Variants in KLHDC10 observed in about 807,000 individuals in gnomAD.
The protein encoded by KLHDC10 is kelch domain-containing protein 10.
A neutral mutation model predicts 56.1 loss-of-function variants in KLHDC10; 24 were observed. That is an observed-to-expected ratio of 0.43 (90% CI 0.31 to 0.60). KLHDC10 has a LOEUF of 0.60. Among genes scored for constraint, KLHDC10 ranks in the 20% least tolerant of loss-of-function variants. KLHDC10 has a pLI of 0.11. For missense variants in KLHDC10, 349 were observed against 567.0 expected (o/e 0.62, Z 3.91); for synonymous variants, 188 against 207.1 (o/e 0.91, Z 0.79).
intron 7 of KLHDC10, among the ~76,000 whole-genome samples, chr7:130,126,418 A>G (rs1314905351): frequency 6.6e-6 from 1 of 151,916 alleles, no homozygotes; most frequent in Admixed American, 6.6e-5. Flanking sequence ...GCTCATGCCT[A>G]TAATCCCAGC....
chr7:130,098,360 G>A (rs1279009859), intron 2 of KLHDC10, among the ~76,000 whole-genome samples: 2 of 152,088 alleles, frequency 1.3e-5, no homozygotes, highest in African/African-American at 4.8e-5. Context: ...GGGCATGGTG[G>A]TACACACTTA....
chr7:130,078,979 G>T (rs1245887004), intron 1 of KLHDC10, among the ~76,000 whole-genome samples: 1 of 152,272 alleles, frequency 6.6e-6, no homozygotes, highest in East Asian at 1.9e-4. Context: ...TCTGGCTTTA[G>T]ATTGAAGCGT....
intron 5 of KLHDC10, among the ~76,000 whole-genome samples, chr7:130,123,007 AGATGGATGTATG>A (rs1563106277): frequency 2.1e-5 from 3 of 142,952 alleles, no homozygotes; most frequent in Non-Finnish European, 4.6e-5. Context: ...GATGAATGAT[AGATGGATGTATG>A]GATGGATGGA....
Position 130,079,945 on chromosome 7 carries a change from C to T in KLHDC10, c.166+9136C>T, listed in dbSNP as rs193286010. ...CCCTTTCTCGCTTCCTCCTTCCCTC[C>T]CTTCCTCCCTTTCTTCCTCCCTCCC... is the stretch of plus-strand genomic sequence containing the variant. On this transcript the variant is annotated intron_variant, in intron 1 of 9. Transcript: ENST00000335420. 1.4e-3 allele frequency among the ~76,000 whole-genome samples: 201 copies of T among 140,444 alleles called. 8 individuals are homozygous for T. The highest frequency in any genetic ancestry group is 5.5e-3 in the African/African-American group (196 of 35,700). The allele number at this position is 140,444 out of a possible 152,430, so 92.1% of individuals were successfully genotyped here. A position where few individuals can be genotyped will look rare whatever the true frequency, so the allele number is the denominator to read the frequency against.
In KLHDC10 at chr7:130,122,123, C is replaced by T. The variant is rs1300951079; in HGVS notation, c.700C>T (p.Leu234=). The part of the protein sequence containing the change: ...GTTGYIYSTD[L]HKLDLNTREW... Reference sequence around the variant, plus strand: ...AACCGGCTATATTTACAGCACAGACCTGCACAAGTTAGATCTCAATACCAG... The same window carrying T: ...AACCGGCTATATTTACAGCACAGACTTGCACAAGTTAGATCTCAATACCAG... Residue 234 remains leucine, a synonymous_variant, in exon 5 of 10, where the codon CTG becomes TTG. Coordinates refer to ENST00000335420, the MANE Select transcript of KLHDC10 (RefSeq NM_014997.4). 13 of 1,613,870 alleles carry T rather than the reference C, an allele frequency of 8.1e-6. No homozygotes were observed. The highest frequency in any genetic ancestry group is 5.9e-6 in the Non-Finnish European group (7 of 1,179,886).
At chr7:130,124,907 T>C (rs145426076) in intron 6 of KLHDC10, among the ~76,000 whole-genome samples, 337 of 152,272 alleles carry the variant, frequency 2.2e-3, no homozygotes, top group Non-Finnish European at 2.6e-3. Context: ...AACAGGCTTG[T>C]TTAGGGTTGC....
chr7:130,130,887 G>A lies in KLHDC10; in HGVS notation c.*141G>A. The A allele has an allele frequency of 3.8e-6, 3 of 783,312 alleles. No homozygotes were observed. Among genetic ancestry groups the A allele is most frequent in the Non-Finnish European group, 4.1e-6 (2 of 488,656 alleles). 48.5% of individuals were successfully genotyped at this position (783,312 alleles called of 1,614,324 possible). A position where few individuals can be genotyped will look rare whatever the true frequency, so the allele number is the denominator to read the frequency against. ...TAGAAAATACATCAGATGCCTTTCT[G>A]TAAATTGGTTTTTCAGTTTATGGAC... is the stretch of plus-strand genomic sequence containing the variant. On this transcript the variant is annotated 3_prime_UTR_variant, in exon 10 of 10. Coordinates refer to ENST00000335420, the MANE Select transcript of KLHDC10 (RefSeq NM_014997.4). The surrounding 1 kb of genome is among the most constrained non-coding windows in gnomAD (Gnocchi z 4.2).
intron 2 of KLHDC10, among the ~76,000 whole-genome samples, chr7:130,114,319 G>T (rs906964632): frequency 5.9e-5 from 9 of 152,174 alleles, no homozygotes; most frequent in African/African-American, 2.2e-4. Flanking sequence ...CCCGAGGCTT[G>T]GTTATAGAAA....
intron 1 of KLHDC10, among the ~76,000 whole-genome samples, chr7:130,079,861 C>T (rs1563096310): frequency 7.0e-6 from 1 of 143,840 alleles, no homozygotes; most frequent in Non-Finnish European, 1.5e-5. Flanking sequence ...TCCCTCCCTT[C>T]CTCCCTTTCT....
intron 1 of KLHDC10, among the ~76,000 whole-genome samples, chr7:130,091,489 T>G (rs1795772244): frequency 6.6e-6 from 1 of 152,240 alleles, no homozygotes; most frequent in South Asian, 2.1e-4. Flanking sequence ...ACTTGGCAAT[T>G]GGCTCTTAAA....
chr7:130,092,168 C>T (rs1476114572), intron 1 of KLHDC10, among the ~76,000 whole-genome samples: 2 of 152,180 alleles, frequency 1.3e-5, no homozygotes, highest in East Asian at 3.8e-4. Context: ...TTTTTGAATA[C>T]TGTATCTTTC....
At chr7:130,093,799 A>G (rs188231309) in intron 1 of KLHDC10, among the ~76,000 whole-genome samples, 6 of 152,282 alleles carry the variant, frequency 3.9e-5, no homozygotes, top group East Asian at 1.9e-4. Flanking sequence ...CGCAGAGTCA[A>G]CAGGAGTCTG....
At chr7:130,087,626 A>G (rs1795709252) in intron 1 of KLHDC10, among the ~76,000 whole-genome samples, 1 of 152,188 alleles carries the variant, frequency 6.6e-6, no homozygotes, top group African/African-American at 2.4e-5. Context: ...GGTTTCATCA[A>G]CAAACTGTCA....
chr7:130,119,988 C>T (rs1374641256), intron 3 of KLHDC10, among the ~76,000 whole-genome samples: 1 of 152,014 alleles, frequency 6.6e-6, no homozygotes, highest in African/African-American at 2.4e-5. Flanking sequence ...AACAAAAGAG[C>T]TACAGGAGGA....
chr7:130,073,856 G>A (rs767642433), intron 1 of KLHDC10, among the ~76,000 whole-genome samples: 1 of 152,024 alleles, frequency 6.6e-6, no homozygotes, highest in Non-Finnish European at 1.5e-5. Flanking sequence ...TACCAAGTCC[G>A]TTTCTTTTAC....
In KLHDC10 at chr7:130,129,427, T is replaced by C; in HGVS notation, c.980-10T>C. The stretch of plus-strand genomic sequence containing the variant: ...CTTTGTGTGATCTTGGCTTTCTCTT[T>C]TCTTCATAGATGTATTTATTTGTGG... On this transcript the variant is annotated splice_polypyrimidine_tract_variant and intron_variant, in intron 8 of 9. Coordinates refer to ENST00000335420, the MANE Select transcript of KLHDC10 (RefSeq NM_014997.4). 5.0e-6 allele frequency: 8 copies of C among 1,612,928 alleles called. No individual in the cohort carries two copies. Among genetic ancestry groups the C allele is most frequent in the Non-Finnish European group, 6.8e-6 (8 of 1,179,754 alleles).
At chr7:130,074,511 G>T (rs897266868) in intron 1 of KLHDC10, among the ~76,000 whole-genome samples, 2 of 151,790 alleles carry the variant, frequency 1.3e-5, no homozygotes, top group African/African-American at 2.4e-5. Flanking sequence ...CTAAATTAAC[G>T]CATTGGCATT....
intron 1 of KLHDC10, among the ~76,000 whole-genome samples, chr7:130,077,381 A>C (rs1359234604): frequency 2.3e-4 from 34 of 146,852 alleles, no homozygotes; most frequent in Admixed American, 7.5e-4. Context: ...AAAAAAAAAA[A>C]ACAGTATATG....
intron 1 of KLHDC10, among the ~76,000 whole-genome samples, chr7:130,075,008 T>C (rs529792479): frequency 6.6e-6 from 1 of 152,304 alleles, no homozygotes; most frequent in East Asian, 1.9e-4. Context: ...CACTTGCCTT[T>C]CTCCTGTTTT....
Sources: gnomAD v4.1 joint callset for allele counts (sites outside exome capture counted in the v4.1 genomes callset) on GRCh38, gnomAD v4.1.1 for gene constraint, Gnocchi (gnomAD v3.1) non-coding constraint, MANE v1.5 for transcripts, NCBI Gene and HGNC (gene_info 2026-07-23, HGNC 2026-07-21) for gene names.